The following ADAMTSL3 variants were observed in gnomAD, a reference collection of about 807,000 sequenced individuals.
The protein encoded by ADAMTSL3 is ADAMTS like 3, also known as ADAMTS-like protein 3.
A neutral mutation model predicts 201.7 loss-of-function variants in ADAMTSL3; 128 were observed. That is an observed-to-expected ratio of 0.63 (90% CI 0.55 to 0.73). ADAMTSL3 has a LOEUF of 0.73. ADAMTSL3 is among the 30% of genes least tolerant of loss of function. The pLI, the probability that ADAMTSL3 is intolerant of heterozygous loss-of-function variation, is 0.00. For missense variants in ADAMTSL3, 1,990 were observed against 2,119.6 expected (o/e 0.94, Z 1.20); for synonymous variants, 738 against 748.4 (o/e 0.99, Z 0.23).
chr15:83,748,019 A>T (rs796211337), intron 3 of ADAMTSL3, among the ~76,000 whole-genome samples: 4 of 152,082 alleles, frequency 2.6e-5, no homozygotes, highest in African/African-American at 7.2e-5. Flanking sequence ...AACATTCCTC[A>T]TATGTCATTC....
At chr15:83,959,814 AT>A in intron 19 of ADAMTSL3, among the ~76,000 whole-genome samples, 1 of 152,344 alleles carries the variant, frequency 6.6e-6, no homozygotes, top group Non-Finnish European at 1.5e-5. Flanking sequence ...AGTTGTGGAC[AT>A]TCTCTGATGG....
chr15:83,991,066 C>T lies in ADAMTSL3; in HGVS notation c.3845-20C>T, dbSNP rs1165897440. 2 of 1,614,058 alleles carry T rather than the reference C, an allele frequency of 1.2e-6. No individual in the cohort carries two copies. Among genetic ancestry groups the T allele is most frequent in the Non-Finnish European group, 1.7e-6 (2 of 1,179,968 alleles). Reference sequence around the variant, plus strand: ...CAAAAGCCTGAACCTAACATAGTTTCCTGCTCCCTTTGAATTAAGAGGCAC... The same window carrying T: ...CAAAAGCCTGAACCTAACATAGTTTTCTGCTCCCTTTGAATTAAGAGGCAC... On this transcript the variant is annotated intron_variant, in intron 22 of 29. Transcript: ENST00000286744.
Position 83,965,358 on chromosome 15 carries a change from A to AAC in ADAMTSL3, c.2491-5125_2491-5124insCA, listed in dbSNP as rs1387236837. ...CCAAGCAAATGGAAAGCAAAAAAAA[A>AAC]AAAAAAAAAAGCAGGGGTTGCAGTC... On this transcript the variant is annotated intron_variant, in intron 19 of 29. Transcript: ENST00000286744. Among the ~76,000 whole-genome samples the AAC allele has an allele frequency of 3.2e-4, 48 of 151,282 alleles. 1 individual carries two copies. Among genetic ancestry groups the AAC allele is most frequent in the Non-Finnish European group, 1.5e-5 (1 of 67,718 alleles).
At chr15:83,821,532 C>A (rs557978689) in intron 6 of ADAMTSL3, among the ~76,000 whole-genome samples, 1 of 151,378 alleles carries the variant, frequency 6.6e-6, no homozygotes, top group Non-Finnish European at 1.5e-5. Flanking sequence ...GGACACAGCA[C>A]ATGTTTCAGA....
chr15:84,038,693 A>G lies in ADAMTSL3; in HGVS notation c.*887A>G, dbSNP rs1318853645. ...ATTTTGGAAAATTTATAAGAAAGTA[A>G]TCCAAATAAGAAACACGATAGTTGA... On this transcript the variant is annotated 3_prime_UTR_variant, in exon 30 of 30. Coordinates refer to ENST00000286744, the MANE Select transcript of ADAMTSL3 (RefSeq NM_207517.3). 6.5e-6 allele frequency: 1 copy of G among 152,774 alleles called. No individual in the cohort carries two copies. The allele number at this position is 152,774 out of a possible 1,614,324, so 9.5% of individuals were successfully genotyped here.
At chr15:83,680,114 G>A (rs1342885134) in intron 2 of ADAMTSL3, among the ~76,000 whole-genome samples, 1 of 152,062 alleles carries the variant, frequency 6.6e-6, no homozygotes, top group African/African-American at 2.4e-5. Context: ...TTGTTGTGCT[G>A]GGCTGTCTCC....
intron 4 of ADAMTSL3, among the ~76,000 whole-genome samples, chr15:83,793,320 C>T (rs1015838109): frequency 1.3e-5 from 2 of 151,972 alleles, no homozygotes; most frequent in African/African-American, 2.4e-5. Context: ...TTGCTGAGAC[C>T]GGATGTTAAG....
At chr15:83,822,923 C>G (rs1157887712) in intron 6 of ADAMTSL3, among the ~76,000 whole-genome samples, 34 of 151,978 alleles carry the variant, frequency 2.2e-4, no homozygotes, top group Admixed American at 1.4e-3. Context: ...CTGAGTGAAG[C>G]AGACTCCGTC....
At chr15:83,957,638 A>G (rs1244477020) in intron 19 of ADAMTSL3, among the ~76,000 whole-genome samples, 2 of 152,212 alleles carry the variant, frequency 1.3e-5, no homozygotes, top group South Asian at 2.1e-4. Flanking sequence ...CTGGGAAGCT[A>G]ATGAATGAGA....
At chr15:83,967,851 C>T (rs2067118428) in intron 19 of ADAMTSL3, among the ~76,000 whole-genome samples, 1 of 152,146 alleles carries the variant, frequency 6.6e-6, no homozygotes, top group South Asian at 2.1e-4. Context: ...ACCAATGGAA[C>T]AGAACAGAGG....
At chr15:83,758,628 G>T (rs530922133) in intron 3 of ADAMTSL3, among the ~76,000 whole-genome samples, 1 of 152,150 alleles carries the variant, frequency 6.6e-6, no homozygotes, top group African/African-American at 2.4e-5. Context: ...GTATAAAGTG[G>T]TATTTCATTT....
intron 23 of ADAMTSL3, among the ~76,000 whole-genome samples, chr15:84,003,603 G>C (rs1189573940): frequency 1.3e-5 from 2 of 152,140 alleles, no homozygotes; most frequent in African/African-American, 2.4e-5. Context: ...TATGAGATTT[G>C]ATAGCAATTG....
intron 2 of ADAMTSL3, among the ~76,000 whole-genome samples, chr15:83,678,056 C>T (rs2061430049): frequency 1.3e-5 from 2 of 151,940 alleles, no homozygotes. Context: ...GAAACCTTAC[C>T]TCTATTTAGG....
At chr15:83,774,216 A>G (rs2063034243) in intron 4 of ADAMTSL3, among the ~76,000 whole-genome samples, 1 of 152,226 alleles carries the variant, frequency 6.6e-6, no homozygotes, top group African/African-American at 2.4e-5. Flanking sequence ...AGGATTTTGC[A>G]TCAGCTCTTA....
chr15:83,701,462 A>G (rs894732303), intron 2 of ADAMTSL3, among the ~76,000 whole-genome samples: 2 of 152,200 alleles, frequency 1.3e-5, no homozygotes, highest in Non-Finnish European at 2.9e-5. Flanking sequence ...CCAGTGATTC[A>G]GATGCCAGGT....
intron 16 of ADAMTSL3, among the ~76,000 whole-genome samples, chr15:83,918,724 C>A (rs1200612752): frequency 6.6e-6 from 1 of 152,074 alleles, no homozygotes; most frequent in African/African-American, 2.4e-5. Flanking sequence ...TTGAGTCTAT[C>A]CCAAGATCAA....
chr15:83,828,814 A>G (rs1017284101), intron 6 of ADAMTSL3, among the ~76,000 whole-genome samples: 15 of 152,182 alleles, frequency 9.9e-5, no homozygotes, highest in Non-Finnish European at 1.6e-4. Flanking sequence ...TTCTGTTTAT[A>G]TGCTGGATTA....
In ADAMTSL3 at chr15:83,859,025, T is replaced by C. The variant is rs539046202; in HGVS notation, c.802+185T>C. 4.6e-5 allele frequency among the ~76,000 whole-genome samples: 7 copies of C among 152,276 alleles called. No individual in the cohort carries two copies. In the East Asian group the frequency reaches 9.6e-4, roughly 21 times the overall value. On this transcript the variant is annotated intron_variant, in intron 8 of 29. Coordinates refer to ENST00000286744, the MANE Select transcript of ADAMTSL3 (RefSeq NM_207517.3). ...GCAAAGCTAAACACTGACATTAGGA[T>C]TTGCAGCCAGAGACAGTGAGGCATT...
intron 4 of ADAMTSL3, among the ~76,000 whole-genome samples, chr15:83,794,116 A>G (rs1328136083): frequency 6.6e-6 from 1 of 152,236 alleles, no homozygotes; most frequent in Non-Finnish European, 1.5e-5. Context: ...ATAAGATATC[A>G]TTACCTACCT....
Sources: gnomAD v4.1 joint callset for allele counts (sites outside exome capture counted in the v4.1 genomes callset) on GRCh38, gnomAD v4.1.1 for gene constraint, MANE v1.5 for transcripts, NCBI Gene and HGNC (gene_info 2026-07-23, HGNC 2026-07-21) for gene names.